SNX13: variants seen among roughly 807,000 people sequenced by gnomAD.
The protein encoded by SNX13 is sorting nexin-13.
In SNX13, 45 loss-of-function variants were observed where a neutral mutation model predicts 133.6. That is an observed-to-expected ratio of 0.34 (90% CI 0.27 to 0.43). The LOEUF (loss-of-function observed/expected upper bound fraction) is 0.43. Ranked by LOEUF, SNX13 falls within the 20% of genes least tolerant of loss-of-function variation. The pLI, the probability that SNX13 is intolerant of heterozygous loss-of-function variation, is 1.00. For missense variants in SNX13, 1,032 were observed against 1,145.1 expected, an observed-to-expected ratio of 0.90 and a Z score of 1.43; for synonymous variants, 414 against 373.9, an observed-to-expected ratio of 1.11 and a Z score of -1.24.
chr7:17,798,649 T>C, intron 24 of SNX13, 41 bp downstream of exon 24: 1 of 1,423,252 alleles, frequency 7.0e-7, no homozygotes, highest in Non-Finnish European at 9.7e-7. Context: ...AATGCTAAAC[T>C]CTGTACTACC....
At chr7:17,838,169 C>G (rs1231849945) in intron 13 of SNX13, among the ~76,000 whole-genome samples, 1 of 151,854 alleles carries the variant, frequency 6.6e-6, no homozygotes, top group Admixed American at 6.6e-5. Context: ...AGAATCAGAC[C>G]TTATTAAGCA....
At chr7:17,843,664 G>A (rs745343540) in intron 12 of SNX13, among the ~76,000 whole-genome samples, 7 of 151,940 alleles carry the variant, frequency 4.6e-5, no homozygotes, top group South Asian at 2.1e-4. Context: ...ACCATACAGT[G>A]GGCCACAAAT....
intron 7 of SNX13, among the ~76,000 whole-genome samples, chr7:17,874,310 G>A (rs1337178866): frequency 6.6e-6 from 1 of 152,114 alleles, no homozygotes; most frequent in African/African-American, 2.4e-5. Context: ...AAAAAGGTAT[G>A]CCATGAATGC....
In SNX13 at chr7:17,790,803, C is replaced by T. The variant is rs1291170014; in HGVS notation, c.*3242G>A. 1 of 151,994 alleles carries T rather than the reference C, an allele frequency of 6.6e-6. No homozygotes were observed. Among genetic ancestry groups the T allele is most frequent in the African/African-American group, 2.4e-5 (1 of 41,426 alleles). The allele number at this position is 151,994 out of a possible 1,614,324, so 9.4% of individuals were successfully genotyped here. The stretch of plus-strand genomic sequence containing the variant: ...TTAGTATTTTCTAATGGACAGAACA[C>T]AAACCAAATAAATTTTTTAATCCTT... On this transcript the variant is annotated 3_prime_UTR_variant, in exon 26 of 26. Coordinates refer to ENST00000428135, the MANE Select transcript of SNX13 (RefSeq NM_015132.5).
At chr7:17,874,809 T>G (rs564762395) in intron 7 of SNX13, among the ~76,000 whole-genome samples, 1 of 152,262 alleles carries the variant, frequency 6.6e-6, no homozygotes, top group African/African-American at 2.4e-5. Flanking sequence ...TGTAAACTCC[T>G]ACCAATAAAA....
intron 20 of SNX13, among the ~76,000 whole-genome samples, chr7:17,812,076 A>G (rs1786107600): frequency 6.6e-6 from 1 of 152,224 alleles, no homozygotes; most frequent in South Asian, 2.1e-4. Flanking sequence ...ACAATCCAGG[A>G]CATAGGGATG....
intron 20 of SNX13, among the ~76,000 whole-genome samples, chr7:17,810,591 G>A (rs992244751): frequency 6.6e-5 from 10 of 152,226 alleles, no homozygotes; most frequent in Middle Eastern, 6.8e-3. Flanking sequence ...AGCTGGTACC[G>A]TTCCTTCTGA....
At position 17,873,529 on chromosome 7, in the gene SNX13, C is replaced by T. The variant is rs1339508210; in HGVS notation, c.752G>A (p.Arg251Lys). 7 of 1,566,768 alleles carry T rather than the reference C, an allele frequency of 4.5e-6. No homozygotes were observed. Among genetic ancestry groups the T allele is most frequent in the East Asian group, 2.3e-5 (1 of 43,108 alleles). The change falls in exon 8 of 26, where the codon AGG becomes AAG. Residue 251 changes from arginine (R) to lysine (K), a missense_variant and splice_region_variant. Transcript: ENST00000428135. The part of the protein sequence containing the change: ...FQNKIMRYFV[R>K]EILARGILLP... Reference sequence around the variant, plus strand: ...GATATGGTATGAGTTTAAGCTTACCCTGACAAAGTATCGCATGATCTTGTT... The same window carrying T: ...GATATGGTATGAGTTTAAGCTTACCTTGACAAAGTATCGCATGATCTTGTT...
intron 1 of SNX13, among the ~76,000 whole-genome samples, chr7:17,927,904 G>A (rs1256111923): frequency 6.6e-6 from 1 of 151,966 alleles, no homozygotes; most frequent in African/African-American, 2.4e-5. Flanking sequence ...ACTAAATAAA[G>A]TACACAAAAC....
At position 17,803,584 on chromosome 7, in the gene SNX13, A is replaced by C. The variant is rs76109856; in HGVS notation, c.2065-4T>G. ...GTGGATTTACAAAAGTGTCCATCTA[A>C]AGGGAAAAAAGATATTATACCATGA... On this transcript the variant is annotated splice_polypyrimidine_tract_variant and splice_region_variant and intron_variant, in intron 20 of 25. Coordinates refer to ENST00000428135, the MANE Select transcript of SNX13 (RefSeq NM_015132.5). 6.2e-7 allele frequency: 1 copy of C among 1,601,132 alleles called. No homozygotes were observed. Among genetic ancestry groups the C allele is most frequent in the African/African-American group, 1.3e-5 (1 of 74,752 alleles).
intron 1 of SNX13, among the ~76,000 whole-genome samples, chr7:17,905,007 G>A (rs1798242312): frequency 6.6e-6 from 1 of 152,108 alleles, no homozygotes; most frequent in African/African-American, 2.4e-5. Flanking sequence ...GGAAAAAGGA[G>A]AGAAAAGGGG....
chr7:17,871,154 T>C (rs539080161), intron 8 of SNX13, among the ~76,000 whole-genome samples: 178 of 152,090 alleles, frequency 1.2e-3, no homozygotes, highest in East Asian at 1.4e-3. Context: ...GACAGGCGCC[T>C]GCCACCATGC....
intron 8 of SNX13, among the ~76,000 whole-genome samples, chr7:17,872,877 C>A (rs958780550): frequency 1.2e-4 from 18 of 152,140 alleles, no homozygotes; most frequent in African/African-American, 4.3e-4. Context: ...AAATGTTATT[C>A]CTTTAAATTT....
At chr7:17,797,021 C>A in intron 24 of SNX13, 82 bp from the exon 25 acceptor site, 1 of 1,060,036 alleles carries the variant, frequency 9.4e-7, no homozygotes, top group East Asian at 2.4e-5. Flanking sequence ...CAAATTTCTA[C>A]AGAAAATACA....
chr7:17,841,390 C>T (rs931889711), intron 12 of SNX13, among the ~76,000 whole-genome samples: 4 of 151,976 alleles, frequency 2.6e-5, no homozygotes, highest in African/African-American at 9.7e-5. Context: ...TCAGAATAGT[C>T]TTGAGAAGAC....
At chr7:17,885,576 C>T (rs139437434) in intron 5 of SNX13, among the ~76,000 whole-genome samples, 2,592 of 152,292 alleles carry the variant, frequency 0.017, 34 homozygotes, top group Middle Eastern at 0.037. Context: ...ACCTGTAATC[C>T]CAGCACTTTG....
chr7:17,913,092 G>A (rs1368545067), intron 1 of SNX13, among the ~76,000 whole-genome samples: 4 of 152,162 alleles, frequency 2.6e-5, no homozygotes, highest in Non-Finnish European at 5.9e-5. Flanking sequence ...GGAGCGGGAG[G>A]GAGGCAGACT....
intron 1 of SNX13, 75 bp downstream of exon 1, chr7:17,940,209 A>T: frequency 6.5e-6 from 10 of 1,544,504 alleles, no homozygotes; most frequent in Non-Finnish European, 8.8e-6. Context: ...TTCCGTACAG[A>T]TGATGTTCTC....
intron 1 of SNX13, among the ~76,000 whole-genome samples, chr7:17,936,569 C>T (rs901720179): frequency 2.6e-5 from 4 of 152,112 alleles, no homozygotes; most frequent in Admixed American, 6.6e-5. Context: ...CCAAAGTATG[C>T]CACAACACTG....
Sources: gnomAD v4.1 joint callset for allele counts (sites outside exome capture counted in the v4.1 genomes callset) on GRCh38, gnomAD v4.1.1 for gene constraint, MANE v1.5 for transcripts, NCBI Gene and HGNC (gene_info 2026-07-23, HGNC 2026-07-21) for gene names.